CCDC32: variants seen among roughly 807,000 people sequenced by gnomAD.
CCDC32 encodes the protein coiled-coil domain-containing protein 32.
CCDC32 carries 9 observed loss-of-function variants against 20.1 expected under a neutral mutation model. The observed-to-expected ratio is 0.45, with a 90% confidence interval of 0.27 to 0.78. The LOEUF (loss-of-function observed/expected upper bound fraction) is 0.78. Ranked by LOEUF, CCDC32 falls within the 30% of genes least tolerant of loss-of-function variation. The pLI is 0.16. For synonymous variants in CCDC32, 63 were observed against 79.0 expected (o/e 0.80, Z 1.07); for missense variants, 204 against 215.5 (o/e 0.95, Z 0.33).
intron 2 of CCDC32, chr15:40,561,856 C>T (rs909996704): frequency 6.6e-6 from 1 of 151,350 alleles, no homozygotes; most frequent in Non-Finnish European, 1.5e-5. Flanking sequence ...TAAAGACTGC[C>T]CCTCACCGCC....
intron 3 of CCDC32, among the ~76,000 whole-genome samples, chr15:40,542,953 T>C (rs1189675553): frequency 6.9e-6 from 1 of 145,122 alleles, no homozygotes; most frequent in Non-Finnish European, 1.5e-5. Context: ...AGCCCAGGAG[T>C]ATGAGACCAG....
chr15:40,531,150 A>G (rs1888862198), downstream of CCDC32, among the ~76,000 whole-genome samples: 1 of 151,414 alleles, frequency 6.6e-6, no homozygotes, highest in South Asian at 2.1e-4. Context: ...GTGGAATAGT[A>G]GACACTGGAG....
chr15:40,524,618 A>G (rs948424793), downstream of CCDC32, among the ~76,000 whole-genome samples: 1 of 152,014 alleles, frequency 6.6e-6, no homozygotes, highest in Non-Finnish European at 1.5e-5. Context: ...GGTTGGGGCA[A>G]TTGGCTGCAA....
rs143250246 is a variant in CCDC32, at chr15:40,562,828, G to C, written c.188C>G (p.Pro63Arg). ...CAAGGGAGCCCAAGGCTTTACAGCT[G>C]GCTGGACAGCAAAGTCAGCCACCTC... ...QREVADFAVQ[P>R]AVKPWAPLQD... Residue 63 changes from proline (P) to arginine (R), a missense_variant, in exon 2 of 4, where the codon CCA becomes CGA. Transcript: ENST00000416810. 7.4e-6 allele frequency: 12 copies of C among 1,614,100 alleles called. No individual in the cohort carries two copies. The African/African-American group carries it at 1.5e-4, about 20-fold the overall frequency.
At chr15:40,524,146 C>CT (rs66753325), downstream of CCDC32, among the ~76,000 whole-genome samples, 979 of 89,192 alleles carry the variant, frequency 0.011, 88 homozygotes, top group East Asian at 0.027. Context: ...CATGCATAAT[C>CT]TTTTTTTTTT....
At chr15:40,560,554 G>T (rs936619404) in intron 2 of CCDC32, among the ~76,000 whole-genome samples, 1 of 152,148 alleles carries the variant, frequency 6.6e-6, no homozygotes, top group African/African-American at 2.4e-5. Context: ...GTGGGCAAAT[G>T]ACATGAATAG....
downstream of CCDC32, chr15:40,534,773 A>T: frequency 1.5e-6 from 1 of 650,434 alleles, no homozygotes; most frequent in Non-Finnish European, 2.8e-6. Flanking sequence ...CACTCTCATG[A>T]CCTAATTACC....
At chr15:40,530,792 C>T (rs1165141702), downstream of CCDC32, among the ~76,000 whole-genome samples, 1 of 149,954 alleles carries the variant, frequency 6.7e-6, no homozygotes, top group Non-Finnish European at 1.5e-5. Context: ...AATCTTGGAA[C>T]TGACTCCCGG....
chr15:40,523,129 A>G, the CCDC32 span, among the ~76,000 whole-genome samples: 1 of 151,118 alleles, frequency 6.6e-6, no homozygotes, highest in Non-Finnish European at 1.5e-5. Context: ...TAAGTGATCC[A>G]CCCACCTCAG....
downstream of CCDC32, chr15:40,536,637 A>T (rs2141603941): frequency 6.6e-6 from 1 of 152,424 alleles, no homozygotes; most frequent in East Asian, 1.9e-4. Context: ...GAGGACGAGT[A>T]TGACACATGA....
chr15:40,550,643 C>T (rs1889812688), downstream of CCDC32, among the ~76,000 whole-genome samples: 1 of 152,214 alleles, frequency 6.6e-6, no homozygotes, highest in Admixed American at 6.5e-5. Context: ...AATGGAGTTT[C>T]ACCTTTTTTT....
chr15:40,550,433 A>G, downstream of CCDC32, among the ~76,000 whole-genome samples: 1 of 152,172 alleles, frequency 6.6e-6, no homozygotes, highest in East Asian at 1.9e-4. Flanking sequence ...ATTTTTTCCT[A>G]TGGTTAGTCC....
intron 3 of CCDC32, chr15:40,528,913 C>T (rs912899050): frequency 9.6e-6 from 6 of 622,502 alleles, no homozygotes; most frequent in Middle Eastern, 2.5e-4. Flanking sequence ...CCTCTGGCTC[C>T]AGCACGTGCT....
intron 3 of CCDC32, chr15:40,528,899 AC>A (rs1894933962): frequency 1.6e-6 from 1 of 637,990 alleles, no homozygotes; most frequent in Non-Finnish European, 2.8e-6. Flanking sequence ...CTCGTGTCTA[AC>A]CACCTCTGGC....
At chr15:40,548,085 C>A (rs1291828851) in intron 3 of CCDC32, among the ~76,000 whole-genome samples, 1 of 152,208 alleles carries the variant, frequency 6.6e-6, no homozygotes, top group African/African-American at 2.4e-5. Flanking sequence ...TTTCCTCTCA[C>A]TCCTATTCAT....
At chr15:40,558,008 C>T (rs959562209) in intron 2 of CCDC32, 26 of 152,198 alleles carry the variant, frequency 1.7e-4, no homozygotes, top group African/African-American at 6.3e-4. Context: ...AAACAAATGT[C>T]TTCTAATCCC....
downstream of CCDC32, chr15:40,535,282 A>C: frequency 7.5e-7 from 1 of 1,330,914 alleles, no homozygotes; most frequent in Non-Finnish European, 9.7e-7. Flanking sequence ...AACAGCCCAA[A>C]CTGTATGAGC....
chr15:40,533,042 G>C (rs571066915), downstream of CCDC32, among the ~76,000 whole-genome samples: 1 of 151,914 alleles, frequency 6.6e-6, no homozygotes, highest in Non-Finnish European at 1.5e-5. Flanking sequence ...CTATTCTCCT[G>C]TTGGTGGACA....
chr15:40,541,427 G>C lies in CCDC32; in HGVS notation c.402-2072C>G, dbSNP rs538798290. ...GGCTCACTGCAACCTCCGCCTCCCGGGTTCAAGCAATTCTCCTGTCTCATC... is the reference window on the plus strand; with the variant it reads ...GGCTCACTGCAACCTCCGCCTCCCGCGTTCAAGCAATTCTCCTGTCTCATC... On this transcript the variant is annotated intron_variant, in intron 3 of 3. Transcript: ENST00000558113. 2.0e-4 allele frequency among the ~76,000 whole-genome samples: 30 copies of C among 152,120 alleles called. 1 individual carries two copies. The highest frequency in any genetic ancestry group is 7.2e-4 in the African/African-American group (30 of 41,496).
Sources: allele counts gnomAD v4.1 joint callset (sites outside exome capture counted in the v4.1 genomes callset), GRCh38; gene constraint gnomAD v4.1.1; transcripts MANE v1.5; gene names NCBI Gene and HGNC (gene_info 2026-07-23, HGNC 2026-07-21).